PAQR3: variants seen among roughly 807,000 people sequenced by gnomAD.
The protein encoded by PAQR3 is progestin and adipoQ receptor family member 3.
PAQR3 carries 39 observed loss-of-function variants against 41.7 expected under a neutral mutation model. The ratio of observed to expected loss-of-function variants is 0.93; its 90% CI spans 0.72 to 1.22. The LOEUF is 1.22. Among genes scored for constraint, PAQR3 ranks in the 50% most tolerant of loss-of-function variants. PAQR3 has a pLI of 0.00. For synonymous variants in PAQR3, 140 were observed against 140.6 expected (o/e 1.00, Z 0.03); for missense variants, 366 against 385.6 (o/e 0.95, Z 0.42).
Position 78,930,267 on chromosome 4 carries a change from G to C in PAQR3, c.407C>G (p.Thr136Arg). 6.2e-7 allele frequency: 1 copy of C among 1,613,752 alleles called. No homozygotes were observed. Among genetic ancestry groups the C allele is most frequent in the Non-Finnish European group, 8.5e-7 (1 of 1,179,782 alleles). Residue 136 changes from threonine (T) to arginine (R), a missense_variant, in exon 3 of 6, where the codon ACA becomes AGA. Physicochemically the swap from Thr to Arg is moderately conservative, Grantham distance 71 (BLOSUM62 -1). Coordinates refer to ENST00000512733, the MANE Select transcript of PAQR3 (RefSeq NM_001040202.2). Reference protein sequence around the residue: ...HLFSCHRSEKTCRRWMALDYA... With the variant: ...HLFSCHRSEKRCRRWMALDYA... The stretch of plus-strand genomic sequence containing the variant: ...ATCTAATGCCATCCATCTTCGACAT[G>C]TTTTTTCTGACCGATGGCAGGAAAA...
chr4:78,919,972 T>C lies in PAQR3; in HGVS notation c.*567A>G, dbSNP rs1261043047. 7 of 985,132 alleles carry C rather than the reference T, an allele frequency of 7.1e-6. No homozygotes were observed. Among genetic ancestry groups the C allele is most frequent in the Non-Finnish European group, 8.4e-6 (7 of 829,484 alleles). The allele number at this position is 985,132 out of a possible 1,614,324, so 61.0% of individuals were successfully genotyped here. On this transcript the variant is annotated 3_prime_UTR_variant, in exon 6 of 6. Coordinates refer to ENST00000512733, the MANE Select transcript of PAQR3 (RefSeq NM_001040202.2). ...TGTTCTGGAAAACTAAAATATCTAA[T>C]GTTCTTAGGGAGAGAAGAACCTATA...
intron 5 of PAQR3, chr4:78,922,250 C>T (rs1033770639): frequency 8.2e-7 from 1 of 1,224,674 alleles, no homozygotes; most frequent in Non-Finnish European, 1.0e-6. Context: ...GCAGGTTTTC[C>T]CTTGTATTTC....
In PAQR3 at chr4:78,919,135, T is replaced by G. The variant is rs1735397202; in HGVS notation, c.*1404A>C. The G allele has an allele frequency of 2.0e-6, 2 of 985,074 alleles. No individual in the cohort carries two copies. The highest frequency in any genetic ancestry group is 2.4e-6 in the Non-Finnish European group (2 of 829,744). 61.0% of individuals were successfully genotyped at this position (985,074 alleles called of 1,614,324 possible). A position where few individuals can be genotyped will look rare whatever the true frequency, so the allele number is the denominator to read the frequency against. On this transcript the variant is annotated 3_prime_UTR_variant, in exon 6 of 6. Transcript: ENST00000512733. Reference sequence around the variant, plus strand: ...TACTGATGTATTAACTGAGGCACATTAGTGACTTTCCAAGTATCATATGCA... The same window carrying G: ...TACTGATGTATTAACTGAGGCACATGAGTGACTTTCCAAGTATCATATGCA...
intron 4 of PAQR3, among the ~76,000 whole-genome samples, chr4:78,925,717 A>G (rs920330410): frequency 8.5e-5 from 13 of 152,174 alleles, no homozygotes; most frequent in African/African-American, 3.1e-4. Flanking sequence ...TGCAATGAGT[A>G]TATGTGATTT....
rs369627500 is a variant in PAQR3, at chr4:78,921,635, T to C, written c.794-954A>G. The C allele has an allele frequency of 2.5e-5, 24 of 956,616 alleles. No individual in the cohort carries two copies. In the African/African-American group the frequency reaches 3.9e-4, roughly 15 times the overall value. 59.3% of individuals were successfully genotyped at this position (956,616 alleles called of 1,614,324 possible). A position where few individuals can be genotyped will look rare whatever the true frequency, so the allele number is the denominator to read the frequency against. Reference sequence around the variant, plus strand: ...CCACTCAATTCTATCCATGGACACCTTGGGGACCCTTGGACCCATCAAATG... The same window carrying C: ...CCACTCAATTCTATCCATGGACACCCTGGGGACCCTTGGACCCATCAAATG... On this transcript the variant is annotated intron_variant, in intron 5 of 5. Transcript: ENST00000512733.
chr4:78,904,358 A>T (rs1218193886), intron 11 of PAQR3, among the ~76,000 whole-genome samples: 4 of 151,910 alleles, frequency 2.6e-5, no homozygotes, highest in Non-Finnish European at 5.9e-5. Flanking sequence ...GTGCTTCAGG[A>T]TATTAGTTCC....
intron 11 of PAQR3, among the ~76,000 whole-genome samples, chr4:78,894,647 G>A (rs1733609260): frequency 6.6e-6 from 1 of 152,184 alleles, no homozygotes; most frequent in Admixed American, 6.5e-5. Flanking sequence ...CAGTAAGGTT[G>A]TTTTCCTTTC....
At chr4:78,936,267 T>A (rs865993056) in intron 1 of PAQR3, among the ~76,000 whole-genome samples, 2 of 152,242 alleles carry the variant, frequency 1.3e-5, no homozygotes, top group African/African-American at 4.8e-5. Flanking sequence ...TACTCTTGCA[T>A]TTGTCTGCAA....
downstream of PAQR3, among the ~76,000 whole-genome samples, chr4:78,909,470 G>T (rs765245765): frequency 8.6e-5 from 13 of 151,968 alleles, no homozygotes; most frequent in Non-Finnish European, 1.6e-4. Flanking sequence ...GCTTATCATG[G>T]CCTTAGAGGA....
At position 78,935,271 on chromosome 4, in the gene PAQR3, T is replaced by C; in HGVS notation, c.198A>G (p.Leu66=). ...SRLCIKSLFI[L]SNETVNIWSH... ...TCCAGATGTTTACTGTCTCATTAGA[T>C]AAAATAAACAAACTGGAAAATAAAC... Residue 66 remains leucine (L), a synonymous_variant, in exon 2 of 6, where the codon TTA becomes TTG. Coordinates refer to ENST00000512733, the MANE Select transcript of PAQR3 (RefSeq NM_001040202.2). The C allele has an allele frequency of 1.2e-6, 2 of 1,609,068 alleles. No homozygotes were observed. Among genetic ancestry groups the C allele is most frequent in the Non-Finnish European group, 1.7e-6 (2 of 1,178,726 alleles).
rs534101248 is a variant in PAQR3, at chr4:78,921,549, T to TAA, written c.794-870_794-869dup. ...AGTGAAGCCTACAGACCCATTTTTTTAAAAAACAAAACACAGAGGATTACA... is the reference window on the plus strand; with the variant it reads ...AGTGAAGCCTACAGACCCATTTTTTTAAAAAAAACAAAACACAGAGGATTACA... On this transcript the variant is annotated intron_variant, in intron 5 of 5. Transcript: ENST00000512733. 1.8e-3 allele frequency: 1,193 copies of TAA among 658,060 alleles called. 13 individuals are homozygous for TAA. In the African/African-American group the frequency reaches 0.022, roughly 12 times the overall value. The allele number at this position is 658,060 out of a possible 1,614,324, so 40.8% of individuals were successfully genotyped here.
At chr4:78,910,494 C>T, downstream of PAQR3, 1 of 868,654 alleles carries the variant, frequency 1.2e-6, no homozygotes. Flanking sequence ...ATTTTTTCCT[C>T]TAAGGGAACT....
rs1301564755 is a variant in PAQR3 at position 78,919,022 on chromosome 4, G to A, written c.*1517C>T. On this transcript the variant is annotated 3_prime_UTR_variant, in exon 6 of 6. Coordinates refer to ENST00000512733, the MANE Select transcript of PAQR3 (RefSeq NM_001040202.2). Reference sequence around the variant, plus strand: ...ACGGTATTCCTTTACTGAGCCTCCTGGGGGGAAATTCTCTTTGCTGAGATA... The same window carrying A: ...ACGGTATTCCTTTACTGAGCCTCCTAGGGGGAAATTCTCTTTGCTGAGATA... The A allele has an allele frequency of 1.0e-6, 1 of 984,700 alleles. No homozygotes were observed. The highest frequency in any genetic ancestry group is 1.2e-6 in the Non-Finnish European group (1 of 829,624). The allele number at this position is 984,700 out of a possible 1,614,324, so 61.0% of individuals were successfully genotyped here.
intron 4 of PAQR3, among the ~76,000 whole-genome samples, chr4:78,925,734 G>A (rs1411171249): frequency 6.6e-6 from 1 of 152,048 alleles, no homozygotes; most frequent in Non-Finnish European, 1.5e-5. Flanking sequence ...ATTTCTGTCA[G>A]ATTTCTTGGC....
At chr4:78,888,583 C>T (rs1443592553) in intron 11 of PAQR3, among the ~76,000 whole-genome samples, 2 of 151,988 alleles carry the variant, frequency 1.3e-5, no homozygotes, top group African/African-American at 4.8e-5. Flanking sequence ...CTGAAAGAAC[C>T]CTGGGGAAAT....
chr4:78,931,324 C>A (rs1298586820), intron 2 of PAQR3, among the ~76,000 whole-genome samples: 3 of 151,944 alleles, frequency 2.0e-5, no homozygotes, highest in Admixed American at 2.0e-4. Flanking sequence ...CCCCACTATA[C>A]CCCAGCCTGG....
chr4:78,897,771 G>C (rs1733781361), intron 11 of PAQR3, among the ~76,000 whole-genome samples: 2 of 152,118 alleles, frequency 1.3e-5, no homozygotes, highest in Non-Finnish European at 2.9e-5. Flanking sequence ...TATGGGCATA[G>C]TCTCAGAAGT....
chr4:78,894,428 T>C (rs983013876), intron 11 of PAQR3, among the ~76,000 whole-genome samples: 1 of 152,214 alleles, frequency 6.6e-6, no homozygotes, highest in Non-Finnish European at 1.5e-5. Context: ...TACCTGTACT[T>C]ACATGTTCTG....
intron 11 of PAQR3, among the ~76,000 whole-genome samples, chr4:78,888,713 C>T (rs1284430301): frequency 6.6e-6 from 1 of 152,064 alleles, no homozygotes; most frequent in Non-Finnish European, 1.5e-5. Flanking sequence ...GGTTTGAGCT[C>T]GATTGCTGCT....
Sources: allele counts gnomAD v4.1 joint callset (sites outside exome capture counted in the v4.1 genomes callset), GRCh38; gene constraint gnomAD v4.1.1; transcripts MANE v1.5; gene names NCBI Gene and HGNC (gene_info 2026-07-23, HGNC 2026-07-21).